DLG2: variants seen among roughly 807,000 people sequenced by gnomAD.
The protein encoded by DLG2 is disks large homolog 2.
Under a neutral mutation model 132.5 loss-of-function variants are expected in DLG2, and 45 were observed. The observed-to-expected ratio is 0.34, with a 90% CI of 0.27 to 0.44. The LOEUF (loss-of-function observed/expected upper bound fraction) is 0.44. Among genes scored for constraint, DLG2 ranks in the 20% least tolerant of loss-of-function variants. The probability of loss-of-function intolerance (pLI) is 1.00; values close to 1 mark genes in which losing one functional copy is unlikely to be tolerated. For missense variants in DLG2, 1,045 were observed against 1,196.9 expected (o/e 0.87, Z 1.87); for synonymous variants, 424 against 419.6 (o/e 1.01, Z -0.13).
intron 15 of DLG2, among the ~76,000 whole-genome samples, chr11:83,890,553 G>A (rs964352176): frequency 6.6e-6 from 1 of 152,072 alleles, no homozygotes; most frequent in African/African-American, 2.4e-5. Context: ...AATGGACTTG[G>A]GTTAAGAATT....
chr11:85,183,626 C>T (rs954812034), intron 4 of DLG2, among the ~76,000 whole-genome samples: 1 of 151,924 alleles, frequency 6.6e-6, no homozygotes, highest in Non-Finnish European at 1.5e-5. Context: ...GAATAAAAGA[C>T]ACACAGAATA....
chr11:83,458,756 C>A lies in DLG2; in HGVS notation c.*1062G>T, dbSNP rs555503313. 9.9e-5 allele frequency: 15 copies of A among 152,218 alleles called. No homozygotes were observed. The highest frequency in any genetic ancestry group is 1.6e-4 in the Non-Finnish European group (11 of 68,046). The allele number at this position is 152,218 out of a possible 1,614,324, so 9.4% of individuals were successfully genotyped here. Reference sequence around the variant, plus strand: ...GGAAAGCAAAAACTTCCCTTTAGATCATTTGCATAAGTTTGTCTCTGAAAA... The same window carrying A: ...GGAAAGCAAAAACTTCCCTTTAGATAATTTGCATAAGTTTGTCTCTGAAAA... On this transcript the variant is annotated 3_prime_UTR_variant, in exon 28 of 28. Transcript: ENST00000376104.
At chr11:84,114,583 T>A (rs998716324) in intron 9 of DLG2, among the ~76,000 whole-genome samples, 20 of 152,194 alleles carry the variant, frequency 1.3e-4, no homozygotes, top group African/African-American at 4.6e-4. Flanking sequence ...AGGAATCAAC[T>A]CCTAAAGAGA....
At chr11:84,668,350 C>G (rs1332666032) in intron 6 of DLG2, among the ~76,000 whole-genome samples, 1 of 152,088 alleles carries the variant, frequency 6.6e-6, no homozygotes, top group East Asian at 1.9e-4. Context: ...CTTCTTTAAG[C>G]AATTGAGTTT....
intron 11 of DLG2, among the ~76,000 whole-genome samples, chr11:83,993,210 A>T (rs1382287736): frequency 6.6e-6 from 1 of 152,160 alleles, no homozygotes; most frequent in Non-Finnish European, 1.5e-5. Flanking sequence ...CTATGTTAGC[A>T]CAGTGCTGAC....
At chr11:83,937,364 G>A (rs2081676904) in intron 14 of DLG2, among the ~76,000 whole-genome samples, 1 of 151,828 alleles carries the variant, frequency 6.6e-6, no homozygotes, top group Non-Finnish European at 1.5e-5. Flanking sequence ...AAAATTAGCC[G>A]GGCTTGGTGG....
At chr11:84,330,171 G>T (rs1242142586) in intron 7 of DLG2, among the ~76,000 whole-genome samples, 1 of 152,130 alleles carries the variant, frequency 6.6e-6, no homozygotes, top group Non-Finnish European at 1.5e-5. Flanking sequence ...ATTTCCAGAG[G>T]CTGACATTTA....
chr11:84,819,530 T>C (rs577998553), intron 6 of DLG2, among the ~76,000 whole-genome samples: 2 of 151,908 alleles, frequency 1.3e-5, no homozygotes, highest in East Asian at 3.9e-4. Flanking sequence ...GGCATTGTCA[T>C]GATCTCTTAG....
chr11:84,807,641 T>A (rs542929976), intron 6 of DLG2, among the ~76,000 whole-genome samples: 1 of 152,128 alleles, frequency 6.6e-6, no homozygotes, highest in East Asian at 1.9e-4. Flanking sequence ...TCGAGGCAGG[T>A]TGAAAGTGAA....
intron 6 of DLG2, among the ~76,000 whole-genome samples, chr11:84,541,487 T>G (rs550001441): frequency 5.7e-4 from 86 of 152,206 alleles, no homozygotes; most frequent in African/African-American, 2.0e-3. Flanking sequence ...CTTCAAAGGT[T>G]GGAAATCTGT....
chr11:84,213,794 G>A (rs1443444271), intron 8 of DLG2, among the ~76,000 whole-genome samples: 3 of 147,764 alleles, frequency 2.0e-5, no homozygotes, highest in Non-Finnish European at 3.0e-5. Flanking sequence ...ACTCCAGCCT[G>A]GGTGACAGAG....
At chr11:84,604,102 A>C (rs2099581352) in intron 6 of DLG2, among the ~76,000 whole-genome samples, 1 of 151,956 alleles carries the variant, frequency 6.6e-6, no homozygotes, top group Admixed American at 6.6e-5. Flanking sequence ...CCTACTTTAC[A>C]AATAAGGATA....
chr11:85,584,401 C>G (rs1032778045), intron 3 of DLG2, among the ~76,000 whole-genome samples: 5 of 150,864 alleles, frequency 3.3e-5, no homozygotes, highest in African/African-American at 1.2e-4. Flanking sequence ...TCTTTATCCA[C>G]TCGTTGGTTG....
chr11:83,626,394 C>T lies in DLG2; in HGVS notation c.1940+6817G>A, dbSNP rs570272253. On this transcript the variant is annotated intron_variant, in intron 19 of 27. Coordinates refer to ENST00000376104, the MANE Select transcript of DLG2 (RefSeq NM_001142699.3). The stretch of plus-strand genomic sequence containing the variant: ...AGGGGTTCTGTGGTCTTATTCATCA[C>T]TGTGCCCTTAACATCTACTACAGAC... Among the ~76,000 whole-genome samples the T allele has an allele frequency of 2.0e-5, 3 of 152,298 alleles. No individual in the cohort carries two copies. In the South Asian group the frequency reaches 6.2e-4, roughly 32 times the overall value.
At chr11:85,266,129 T>C (rs2077196542) in intron 4 of DLG2, among the ~76,000 whole-genome samples, 1 of 152,212 alleles carries the variant, frequency 6.6e-6, no homozygotes, top group South Asian at 2.1e-4. Flanking sequence ...TAAGAGATCA[T>C]TGTAGCATGC....
chr11:85,497,453 T>C (rs889442785), intron 3 of DLG2, among the ~76,000 whole-genome samples: 1 of 152,090 alleles, frequency 6.6e-6, no homozygotes, highest in African/African-American at 2.4e-5. Context: ...TACAGTTGAC[T>C]GGTGTACTGG....
intron 6 of DLG2, among the ~76,000 whole-genome samples, chr11:85,012,823 A>G (rs2059260015): frequency 6.6e-6 from 1 of 152,126 alleles, no homozygotes; most frequent in South Asian, 2.1e-4. Flanking sequence ...TGGATTTTGG[A>G]GTATAAAAAA....
chr11:83,625,633 A>G (rs930276251), intron 19 of DLG2, among the ~76,000 whole-genome samples: 1 of 152,208 alleles, frequency 6.6e-6, no homozygotes, highest in African/African-American at 2.4e-5. Context: ...TAGAACGACT[A>G]ACTGTGTTGA....
intron 11 of DLG2, among the ~76,000 whole-genome samples, chr11:84,040,616 T>G (rs2096046663): frequency 6.6e-6 from 1 of 151,996 alleles, no homozygotes; most frequent in African/African-American, 2.4e-5. Context: ...CTGTTTTGGT[T>G]ACTGTAGCCT....
Sources: gnomAD v4.1 joint callset for allele counts (sites outside exome capture counted in the v4.1 genomes callset) on GRCh38, gnomAD v4.1.1 for gene constraint, MANE v1.5 for transcripts, NCBI Gene and HGNC (gene_info 2026-07-23, HGNC 2026-07-21) for gene names.